The following DUSP16 variants were observed in gnomAD, a reference collection of about 807,000 sequenced individuals.
DUSP16 encodes the protein dual specificity phosphatase 16.
In DUSP16, 21 loss-of-function variants were observed where a neutral mutation model predicts 58.3. The ratio of observed to expected loss-of-function variants is 0.36; its 90% CI spans 0.26 to 0.52. The LOEUF (loss-of-function observed/expected upper bound fraction) is 0.52, where lower values mean the gene tolerates loss of function less well. DUSP16 is among the 20% of genes least tolerant of loss of function. The probability of loss-of-function intolerance (pLI) is 0.94; values close to 1 mark genes in which losing one functional copy is unlikely to be tolerated. For synonymous variants in DUSP16, 320 were observed against 323.8 expected, an observed-to-expected ratio of 0.99 and a Z score of 0.12; for missense variants, 726 against 819.0, an observed-to-expected ratio of 0.89 and a Z score of 1.39.
chr12:12,479,535 C>CA (rs1943522351), intron 6 of DUSP16, among the ~76,000 whole-genome samples: 1 of 152,072 alleles, frequency 6.6e-6, no homozygotes, highest in Admixed American at 6.5e-5. Context: ...GCTGTTTGGG[C>CA]AGCTCATTTC....
At chr12:12,518,305 A>G (rs1024038190) in intron 3 of DUSP16, among the ~76,000 whole-genome samples, 5 of 152,096 alleles carry the variant, frequency 3.3e-5, no homozygotes, top group African/African-American at 1.2e-4. Flanking sequence ...ACCTGAGGTC[A>G]AAGTTCGAGA....
In DUSP16 at chr12:12,477,135, A is replaced by C. The variant is rs1943460414; in HGVS notation, c.1696T>G (p.Phe566Val). ...SWYFATESSH[F>V]YSASAIYGGS... ...CCGTAGATGGCTGAGGCAGAGTAGAAGTGTGAGGACTCTGTGGCAAAATAC... is the reference window on the plus strand; with the variant it reads ...CCGTAGATGGCTGAGGCAGAGTAGACGTGTGAGGACTCTGTGGCAAAATAC... The change falls in exon 7 of 7, where the codon TTC (phenylalanine) becomes GTC (valine). Residue 566 changes from phenylalanine to valine, a missense_variant. Coordinates refer to ENST00000298573, the MANE Select transcript of DUSP16 (RefSeq NM_030640.3). The surrounding 1 kb of genome is among the most constrained non-coding windows in gnomAD (Gnocchi z 4.1). 1 of 1,614,216 alleles carries C rather than the reference A, an allele frequency of 6.2e-7. No individual in the cohort carries two copies. The highest frequency in any genetic ancestry group is 8.5e-7 in the Non-Finnish European group (1 of 1,180,028).
chr12:12,523,219 T>C (rs1043247782), intron 1 of DUSP16, among the ~76,000 whole-genome samples: 15 of 152,332 alleles, frequency 9.8e-5, no homozygotes, highest in East Asian at 5.8e-4. Flanking sequence ...GGAGACATTA[T>C]AGTGGCCTCA....
chr12:12,562,576 G>A lies in DUSP16; in HGVS notation c.-825C>T, dbSNP rs1293549732. On this transcript the variant is annotated 5_prime_UTR_variant, in exon 1 of 7. Transcript: ENST00000298573. ...GGGGGAAAGGCGGGGGGGTGGGGTGGGGGGTTGGGGGAAAGAGAAAGAGTC... is the reference window on the plus strand; with the variant it reads ...GGGGGAAAGGCGGGGGGGTGGGGTGAGGGGTTGGGGGAAAGAGAAAGAGTC... Among the ~76,000 whole-genome samples the A allele has an allele frequency of 1.3e-5, 2 of 149,328 alleles. No homozygotes were observed. Among genetic ancestry groups the A allele is most frequent in the Non-Finnish European group, 3.0e-5 (2 of 67,020 alleles).
At chr12:12,480,578 C>T (rs1440339147) in intron 5 of DUSP16, among the ~76,000 whole-genome samples, 5 of 152,196 alleles carry the variant, frequency 3.3e-5, no homozygotes, top group South Asian at 2.1e-4. Context: ...ATAAGCAATT[C>T]GTTAATAAGC....
chr12:12,556,401 T>A (rs1182869552), intron 1 of DUSP16, among the ~76,000 whole-genome samples: 1 of 151,722 alleles, frequency 6.6e-6, no homozygotes, highest in African/African-American at 2.4e-5. Flanking sequence ...TCTATAAAAA[T>A]AATAAAAATA....
chr12:12,511,951 T>C (rs987808523), intron 3 of DUSP16, among the ~76,000 whole-genome samples: 3 of 152,162 alleles, frequency 2.0e-5, no homozygotes, highest in Non-Finnish European at 4.4e-5. Flanking sequence ...GTTTGGTTTG[T>C]GCACAATATC....
Position 12,562,432 on chromosome 12 carries a change from A to C in DUSP16, c.-681T>G, listed in dbSNP as rs1188500974. ...AAAAAAATGTCGAAAGAGATGAAGA[A>C]CTTAGGGAGGTAAAGGTGGGGGGCC... On this transcript the variant is annotated 5_prime_UTR_variant, in exon 1 of 7. Transcript: ENST00000298573. The C allele has an allele frequency of 1.3e-5, 2 of 150,084 alleles. No individual in the cohort carries two copies. The highest frequency in any genetic ancestry group is 1.5e-5 in the Non-Finnish European group (1 of 67,470). The allele number at this position is 150,084 out of a possible 1,614,324, so 9.3% of individuals were successfully genotyped here.
Position 12,531,925 on chromosome 12 carries a change from G to A in DUSP16, c.-365-10462C>T, listed in dbSNP as rs370999704. On this transcript the variant is annotated intron_variant, in intron 1 of 6. Transcript: ENST00000298573. ...TGTAATCCCAGCACTTTGGGAGGCC[G>A]AGGCGGGTGGATCATGAGGTCAGGA... Among the ~76,000 whole-genome samples, 110 of 152,188 alleles carry A rather than the reference G, an allele frequency of 7.2e-4. No individual in the cohort carries two copies. In the East Asian group the frequency reaches 0.02, roughly 28 times the overall value.
At chr12:12,482,622 A>G (rs1943593751) in intron 5 of DUSP16, among the ~76,000 whole-genome samples, 1 of 152,240 alleles carries the variant, frequency 6.6e-6, no homozygotes. Context: ...ATTCGAAAAC[A>G]GCCTGCCTTG....
chr12:12,552,456 A>C (rs1302512245), intron 1 of DUSP16, among the ~76,000 whole-genome samples: 4 of 152,160 alleles, frequency 2.6e-5, no homozygotes, highest in Non-Finnish European at 5.9e-5. Context: ...AAAAATAAAT[A>C]AATAAATAAA....
At chr12:12,505,092 T>C (rs930938080) in intron 3 of DUSP16, among the ~76,000 whole-genome samples, 1 of 152,248 alleles carries the variant, frequency 6.6e-6, no homozygotes, top group Admixed American at 6.5e-5. Flanking sequence ...CTCTTACAGC[T>C]GCCCTATGAG....
intron 1 of DUSP16, among the ~76,000 whole-genome samples, chr12:12,531,029 AC>A (rs1282377141): frequency 1.3e-5 from 2 of 152,018 alleles, no homozygotes; most frequent in Non-Finnish European, 1.5e-5. Flanking sequence ...TAATATATGC[AC>A]CCCCTCCTTT....
rs766522419 is a variant in DUSP16 at position 12,474,525 on chromosome 12, C to G, written c.*2308G>C. 1.3e-5 allele frequency: 2 copies of G among 152,364 alleles called. No homozygotes were observed. The highest frequency in any genetic ancestry group is 2.4e-5 in the African/African-American group (1 of 41,436). The allele number at this position is 152,364 out of a possible 1,614,324, so 9.4% of individuals were successfully genotyped here. A position where few individuals can be genotyped will look rare whatever the true frequency, so the allele number is the denominator to read the frequency against. ...TGAAGAGAGCCAGCCACCACCCCAC[C>G]TAAAGACATCCAAGCAGCTCCAGAG... On this transcript the variant is annotated 3_prime_UTR_variant, in exon 7 of 7. Transcript: ENST00000298573.
chr12:12,537,562 T>C (rs569426664), intron 1 of DUSP16, among the ~76,000 whole-genome samples: 1 of 152,224 alleles, frequency 6.6e-6, no homozygotes, highest in African/African-American at 2.4e-5. Context: ...ACCATAGAAC[T>C]GTCTATTAAG....
At chr12:12,559,798 A>C (rs1297312417) in intron 1 of DUSP16, among the ~76,000 whole-genome samples, 1 of 152,094 alleles carries the variant, frequency 6.6e-6, no homozygotes, top group African/African-American at 2.4e-5. Flanking sequence ...CTAACACATA[A>C]ATCCTGCCTC....
At chr12:12,533,014 G>A (rs1944414316) in intron 1 of DUSP16, among the ~76,000 whole-genome samples, 1 of 151,332 alleles carries the variant, frequency 6.6e-6, no homozygotes, top group Admixed American at 6.6e-5. Context: ...TACCCTCAAG[G>A]TAAAAGCTGA....
In DUSP16 at chr12:12,521,188, G is replaced by C; in HGVS notation, c.-90C>G. ...TGCTCAAAGGCTCAGCCACTCCATTGTACTAAAAGTGTATGAGGTCAGGCT... is the reference window on the plus strand; with the variant it reads ...TGCTCAAAGGCTCAGCCACTCCATTCTACTAAAAGTGTATGAGGTCAGGCT... On this transcript the variant is annotated 5_prime_UTR_variant, in exon 2 of 7. Transcript: ENST00000298573. 6.5e-7 allele frequency: 1 copy of C among 1,533,168 alleles called. No homozygotes were observed. Among genetic ancestry groups the C allele is most frequent in the Non-Finnish European group, 8.8e-7 (1 of 1,139,986 alleles). 95.0% of individuals were successfully genotyped at this position (1,533,168 alleles called of 1,614,324 possible).
At chr12:12,556,622 A>G (rs533448936) in intron 1 of DUSP16, among the ~76,000 whole-genome samples, 51 of 152,280 alleles carry the variant, frequency 3.3e-4, no homozygotes, top group African/African-American at 1.2e-3. Context: ...TGAAGGGCAC[A>G]TATTTCTTAA....
Sources: gnomAD v4.1 joint callset for allele counts (sites outside exome capture counted in the v4.1 genomes callset) on GRCh38, gnomAD v4.1.1 for gene constraint, Gnocchi (gnomAD v3.1) non-coding constraint, MANE v1.5 for transcripts, NCBI Gene and HGNC (gene_info 2026-07-23, HGNC 2026-07-21) for gene names.